Variants in CELSR2 observed in about 807,000 individuals in gnomAD.
The protein encoded by CELSR2 is EGF-like protein 2.
Under a neutral mutation model 251.6 loss-of-function variants are expected in CELSR2, and 81 were observed. The observed-to-expected ratio is 0.32, with a 90% CI of 0.27 to 0.39. The LOEUF (loss-of-function observed/expected upper bound fraction) is 0.39. Ranked by LOEUF, CELSR2 falls within the 10% of genes least tolerant of loss-of-function variation. CELSR2 has a pLI of 1.00. For missense variants in CELSR2, 3,365 were observed against 3,947.7 expected (o/e 0.85, Z 3.96); for synonymous variants, 1,721 against 1,670.5 (o/e 1.03, Z -0.74).
rs1052908831 is a variant in CELSR2, at chr1:109,262,401, A to G, written c.4501A>G (p.Asn1501Asp). ...VALRFGSVLG[N>D]YSCAAQGTQG... ...CTTGCGCTTCGGATCTGTCCTGGGCAACTACTCCTGTGCTGCCCAGGGCAC... is the reference window on the plus strand; with the variant it reads ...CTTGCGCTTCGGATCTGTCCTGGGCGACTACTCCTGTGCTGCCCAGGGCAC... Residue 1501 changes from asparagine (N) to aspartate (D), a missense_variant, in exon 6 of 34, where the codon AAC becomes GAC. Physicochemically the swap from Asn to Asp is conservative, Grantham distance 23 (BLOSUM62 1). Around this residue, in one of 5 missense-constraint regions of CELSR2, gnomAD observed 2,093 missense variants for 2,382.8 expected, o/e 0.88. Coordinates refer to ENST00000271332, the MANE Select transcript of CELSR2 (RefSeq NM_001408.3). The G allele has an allele frequency of 1.2e-6, 2 of 1,614,122 alleles. No individual in the cohort carries two copies. Among genetic ancestry groups the G allele is most frequent in the African/African-American group, 2.7e-5 (2 of 75,052 alleles).
chr1:109,265,366 C>A, intron 13 of CELSR2, 55 bp downstream of exon 13: 1 of 1,542,420 alleles, frequency 6.5e-7, no homozygotes, highest in Non-Finnish European at 8.8e-7. Flanking sequence ...GTCCACATCT[C>A]CTGGGCCCTA....
rs147734156 is a variant in CELSR2 at position 109,264,328 on chromosome 1, C to T, written c.5252C>T (p.Ala1751Val). The change falls in exon 10 of 34, where the codon GCC (alanine) becomes GTC (valine). Residue 1751 changes from alanine to valine, a missense_variant. Around this residue, in one of 5 missense-constraint regions of CELSR2, gnomAD observed 2,093 missense variants for 2,382.8 expected, o/e 0.88. Coordinates refer to ENST00000271332, the MANE Select transcript of CELSR2 (RefSeq NM_001408.3). ...NITVGGIPGP[A>V]GGVARGFRGC... is the part of the protein sequence containing the mutation. The stretch of plus-strand genomic sequence containing the variant: ...ACAGTGGGCGGAATACCTGGGCCAG[C>T]CGGCGGTGTGGCCCGTGGCTTTCGG... 8.7e-6 allele frequency: 14 copies of T among 1,612,054 alleles called. No homozygotes were observed. The African/African-American group carries it at 1.6e-4, about 18-fold the overall frequency.
chr1:109,271,194 C>A, intron 25 of CELSR2, 23 bp from the exon 26 acceptor site: 1 of 1,610,792 alleles, frequency 6.2e-7, no homozygotes, highest in South Asian at 1.1e-5. Flanking sequence ...ACTGAGCACC[C>A]CATGCCCTCT....
intron 2 of CELSR2, 146 bp from the exon 3 acceptor site, chr1:109,260,896 C>A (rs767789512): frequency 1.6e-6 from 1 of 630,646 alleles, no homozygotes; most frequent in Middle Eastern, 4.3e-4. Context: ...AGATGGCACA[C>A]GAGAGGAAGT....
Position 109,252,837 on chromosome 1 carries a change from G to A in CELSR2, c.2758G>A (p.Val920Ile). 1.2e-6 allele frequency: 2 copies of A among 1,613,990 alleles called. No homozygotes were observed. Among genetic ancestry groups the A allele is most frequent in the Non-Finnish European group, 1.7e-6 (2 of 1,180,004 alleles). The part of the protein sequence containing the change: ...TVLDVNDNPP[V>I]FEQDEFDVFV... ...GTTGGATGTGAATGACAATCCCCCT[G>A]TCTTTGAGCAGGATGAGTTTGATGT... The change falls in exon 1 of 34, where the codon GTC (valine) becomes ATC (isoleucine). Residue 920 changes from valine to isoleucine, a missense_variant. Val to Ile is a conservative substitution (Grantham distance 29). Coordinates refer to ENST00000271332, the MANE Select transcript of CELSR2 (RefSeq NM_001408.3). The surrounding 1 kb of genome is among the most constrained non-coding windows in gnomAD (Gnocchi z 4.8).
In CELSR2 at chr1:109,272,239, C is replaced by T. The variant is rs768995973; in HGVS notation, c.7927-39C>T. ...TTCTTCCCAGCCTGGGGCCAGCCAT[C>T]CCACTCCCCACTTACTGACCTCTCT... On this transcript the variant is annotated intron_variant, in intron 28 of 33. Transcript: ENST00000271332. The T allele has an allele frequency of 6.5e-6, 10 of 1,529,204 alleles. No individual in the cohort carries two copies. In the Admixed American group the frequency reaches 1.5e-4, roughly 22 times the overall value. The allele number at this position is 1,529,204 out of a possible 1,614,324, so 94.7% of individuals were successfully genotyped here. A position where few individuals can be genotyped will look rare whatever the true frequency, so the allele number is the denominator to read the frequency against.
At position 109,258,650 on chromosome 1, in the gene CELSR2, G is replaced by T. The variant is rs751190587; in HGVS notation, c.3529G>T (p.Gly1177Trp). The T allele has an allele frequency of 2.6e-6, 4 of 1,549,650 alleles. No individual in the cohort carries two copies. The highest frequency in any genetic ancestry group is 3.5e-6 in the Non-Finnish European group (4 of 1,145,894). Residue 1177 changes from glycine (G) to tryptophan (W), a missense_variant, in exon 2 of 34, where the codon GGG becomes TGG. By Grantham distance (184) the Gly-to-Trp change is radical. This residue lies in a region of CELSR2 where 2,093 missense variants were observed against 2,382.8 expected (regional missense o/e 0.88). Transcript: ENST00000271332. ...CGTACAGCGGGACACCGACGCCCCC[G>T]GGGGCCACATCCTCAACGTGAGCCT... ...FNVQRDTDAP[G>W]GHILNVSLSV...
At chr1:109,258,385 C>G (rs1297043718) in intron 1 of CELSR2, 47 bp from the exon 2 acceptor site, 1 of 1,409,180 alleles carries the variant, frequency 7.1e-7, no homozygotes, top group Non-Finnish European at 9.6e-7. Context: ...AATATGCAGG[C>G]TGAATTGCAG....
rs4970834 is a variant in CELSR2, at chr1:109,272,258, C to T, written c.7927-20C>T. ...AGCCATCCCACTCCCCACTTACTGA[C>T]CTCTCTGTTCCCTGCCTAGTCCTAC... On this transcript the variant is annotated intron_variant, in intron 28 of 33. Coordinates refer to ENST00000271332, the MANE Select transcript of CELSR2 (RefSeq NM_001408.3). 0.18 allele frequency: 283,777 copies of T among 1,550,728 alleles called. 27,848 individuals are homozygous for T. Among genetic ancestry groups the T allele is most frequent in the African/African-American group, 0.31 (22,787 of 73,036 alleles).
chr1:109,267,667 C>CTTTT (rs1656241955), intron 16 of CELSR2, 25 bp downstream of exon 16: 1 of 1,612,688 alleles, frequency 6.2e-7, no homozygotes, highest in Non-Finnish European at 8.5e-7. Flanking sequence ...TCATCTCCAT[C>CTTTT]TTTTCCCTGT....
intron 24 of CELSR2, 127 bp from the exon 25 acceptor site, chr1:109,270,800 G>A: frequency 1.0e-6 from 1 of 982,438 alleles, no homozygotes; most frequent in South Asian, 1.5e-5. Flanking sequence ...GAGATCGGTA[G>A]GGGCCGATGG....
In CELSR2 at chr1:109,261,360, C is replaced by T. The variant is rs951583683; in HGVS notation, c.4181+96C>T. 16 of 1,406,128 alleles carry T rather than the reference C, an allele frequency of 1.1e-5. No homozygotes were observed. The highest frequency in any genetic ancestry group is 1.5e-5 in the Non-Finnish European group (15 of 1,008,152). 87.1% of individuals were successfully genotyped at this position (1,406,128 alleles called of 1,614,324 possible). A position where few individuals can be genotyped will look rare whatever the true frequency, so the allele number is the denominator to read the frequency against. ...GAAGTAAGAGGTCAGGCAGTGAAAG[C>T]GTGGAGCAGGCTGCCGGCAGAGCCA... On this transcript the variant is annotated intron_variant, in intron 3 of 33. Coordinates refer to ENST00000271332, the MANE Select transcript of CELSR2 (RefSeq NM_001408.3). This position sits in a 1 kb window ranked among gnomAD's most constrained non-coding sequence, Gnocchi z 4.8.
Position 109,267,911 on chromosome 1 carries a change from C to G in CELSR2, c.6169C>G (p.Leu2057Val). The change falls in exon 17 of 34, where the codon CTG becomes GTG. Residue 2057 changes from leucine to valine, a missense_variant. Leu to Val is a conservative substitution (Grantham distance 32). Transcript: ENST00000271332. Reference protein sequence around the residue: ...LDSGRSQQLALLLRNATQHTA... With the variant: ...LDSGRSQQLAVLLRNATQHTA... ...CTCAGGGCGCTCCCAGCAGCTAGCCCTGCTCCTGCGCAACGCCACGCAGCA... is the reference window on the plus strand; with the variant it reads ...CTCAGGGCGCTCCCAGCAGCTAGCCGTGCTCCTGCGCAACGCCACGCAGCA... 6.2e-7 allele frequency: 1 copy of G among 1,611,280 alleles called. No homozygotes were observed. Among genetic ancestry groups the G allele is most frequent in the Non-Finnish European group, 8.5e-7 (1 of 1,179,656 alleles).
chr1:109,262,820 C>T lies in CELSR2; in HGVS notation c.4559C>T (p.Thr1520Met), dbSNP rs777607783. ...QGGSKKSLDL[T>M]GPLLLGGVPD... is the part of the protein sequence containing the mutation. ...TGCTCCCCCAGGTCTCTGGATCTGA[C>T]GGGGCCCCTGCTACTAGGCGGGGTG... The change falls in exon 7 of 34, where the codon ACG becomes ATG. Residue 1520 changes from threonine to methionine, a missense_variant. Around this residue, in one of 5 missense-constraint regions of CELSR2, gnomAD observed 2,093 missense variants for 2,382.8 expected, o/e 0.88. Coordinates refer to ENST00000271332, the MANE Select transcript of CELSR2 (RefSeq NM_001408.3). 48 of 1,612,930 alleles carry T rather than the reference C, an allele frequency of 3.0e-5. No homozygotes were observed. The highest frequency in any genetic ancestry group is 3.6e-5 in the Non-Finnish European group (43 of 1,179,680).
rs768736382 is a variant in CELSR2 at position 109,267,983 on chromosome 1, G to T, written c.6241G>T (p.Ala2081Ser). 6.2e-7 allele frequency: 1 copy of T among 1,610,978 alleles called. No homozygotes were observed. Among genetic ancestry groups the T allele is most frequent in the South Asian group, 1.1e-5 (1 of 91,036 alleles). ...CGACGTCAAGGTGGCCTACCAGCTG[G>T]CCACGCGGCTGCTGGCCCACGAGAG... The part of the protein sequence containing the change: ...GSDVKVAYQL[A>S]TRLLAHESTQ... The change falls in exon 17 of 34, where the codon GCC (alanine) becomes TCC (serine). Residue 2081 changes from alanine (A) to serine (S), a missense_variant. Ala to Ser is a moderately conservative substitution (Grantham distance 99, BLOSUM62 1). Transcript: ENST00000271332.
chr1:109,263,081 C>CA (rs1284043079), intron 7 of CELSR2, 61 bp from the exon 8 acceptor site: 1 of 1,579,494 alleles, frequency 6.3e-7, no homozygotes, highest in Non-Finnish European at 8.7e-7. Context: ...TAACTGCTGC[C>CA]ACAGGCTTTC....
At chr1:109,253,906 C>T (rs1299810186) in intron 1 of CELSR2, among the ~76,000 whole-genome samples, 3 of 152,236 alleles carry the variant, frequency 2.0e-5, no homozygotes, top group Non-Finnish European at 4.4e-5. Flanking sequence ...CTCTTCTGGC[C>T]CCTTTTGCCT....
At chr1:109,255,107 C>G (rs774113978) in intron 1 of CELSR2, among the ~76,000 whole-genome samples, 17 of 152,158 alleles carry the variant, frequency 1.1e-4, no homozygotes, top group Non-Finnish European at 2.1e-4. Flanking sequence ...CCTCCTGGCC[C>G]GGCAGCTCTG....
chr1:109,250,869 C>A lies in CELSR2; in HGVS notation c.790C>A (p.His264Asn), dbSNP rs753349377. 1.2e-6 allele frequency: 2 copies of A among 1,613,920 alleles called. No homozygotes were observed. The highest frequency in any genetic ancestry group is 1.7e-6 in the Non-Finnish European group (2 of 1,180,042). Residue 264 changes from histidine to asparagine, a missense_variant, in exon 1 of 34, where the codon CAC becomes AAC. Coordinates refer to ENST00000271332, the MANE Select transcript of CELSR2 (RefSeq NM_001408.3). The surrounding 1 kb of genome is among the most constrained non-coding windows in gnomAD (Gnocchi z 4.4). ...THVFRVTAQDHGMPRRSALAT... is the reference protein window; with the variant it reads ...THVFRVTAQDNGMPRRSALAT... ...CGTCTTCAGGGTCACGGCGCAGGAC[C>A]ACGGCATGCCCCGACGAAGTGCCCT... is the stretch of plus-strand genomic sequence containing the variant.
Sources: gnomAD v4.1 joint callset for allele counts (sites outside exome capture counted in the v4.1 genomes callset) on GRCh38, gnomAD v4.1.1 for gene constraint, gnomAD v4.1.1 regional missense constraint, Gnocchi (gnomAD v3.1) non-coding constraint, MANE v1.5 for transcripts, NCBI Gene and HGNC (gene_info 2026-07-23, HGNC 2026-07-21) for gene names.